The following NAAA variants were observed in gnomAD, a reference collection of about 807,000 sequenced individuals.
The protein encoded by NAAA is N-acylethanolamine-hydrolyzing acid amidase.
A neutral mutation model predicts 44.8 loss-of-function variants in NAAA; 39 were observed. That is an observed-to-expected ratio of 0.87 (90% confidence interval 0.67 to 1.14). NAAA has a LOEUF of 1.14. Ranked by LOEUF, NAAA falls within the 50% of genes most tolerant of loss-of-function variation. The pLI, the probability that NAAA is intolerant of heterozygous loss-of-function variation, is 0.00. For synonymous variants in NAAA, 178 were observed against 191.3 expected (o/e 0.93, Z 0.58); for missense variants, 460 against 467.8 (o/e 0.98, Z 0.15).
At chr4:75,916,421 C>T (rs1483289688) in intron 9 of NAAA, 1 of 152,168 alleles carries the variant, frequency 6.6e-6, no homozygotes, top group African/African-American at 2.4e-5. Context: ...CAGAGAAAAA[C>T]ACTACTTGGT....
At chr4:75,919,606 G>A in intron 8 of NAAA, 1 of 455,662 alleles carries the variant, frequency 2.2e-6, no homozygotes, top group South Asian at 3.4e-5. Context: ...AGCCTCTGGA[G>A]TAGCTTGGAC....
Position 75,913,863 on chromosome 4 carries a change from C to T in NAAA, c.*512G>A, listed in dbSNP as rs530197819. 2 of 985,254 alleles carry T rather than the reference C, an allele frequency of 2.0e-6. No homozygotes were observed. The highest frequency in any genetic ancestry group is 4.7e-5 in the South Asian group (1 of 21,270). The allele number at this position is 985,254 out of a possible 1,614,324, so 61.0% of individuals were successfully genotyped here. A position where few individuals can be genotyped will look rare whatever the true frequency, so the allele number is the denominator to read the frequency against. On this transcript the variant is annotated 3_prime_UTR_variant, in exon 11 of 11. Coordinates refer to ENST00000286733, the MANE Select transcript of NAAA (RefSeq NM_014435.4). ...AAACGAGACTCCCATTACATGGAAA[C>T]ACATGATCAAAGATCAGACTAACAC... is the stretch of plus-strand genomic sequence containing the variant.
At chr4:75,925,681 C>CA in intron 5 of NAAA, 54 bp downstream of exon 5, 1 of 1,521,986 alleles carries the variant, frequency 6.6e-7, no homozygotes, top group Non-Finnish European at 9.1e-7. Flanking sequence ...TGACACAGAA[C>CA]AGTTTAGAAG....
At chr4:75,923,702 A>G (rs112792446) in intron 5 of NAAA, among the ~76,000 whole-genome samples, 3,154 of 151,836 alleles carry the variant, frequency 0.021, 106 homozygotes, top group African/African-American at 0.072. Context: ...ACTACACCTG[A>G]CTAATTTTTG....
chr4:75,937,334 G>A (rs1028016081), intron 2 of NAAA, among the ~76,000 whole-genome samples: 1 of 152,184 alleles, frequency 6.6e-6, no homozygotes, highest in Non-Finnish European at 1.5e-5. Flanking sequence ...CAGGAAAATC[G>A]CTTGAACCAG....
chr4:75,938,745 A>G (rs958451940), intron 2 of NAAA, among the ~76,000 whole-genome samples: 1 of 152,066 alleles, frequency 6.6e-6, no homozygotes, highest in Non-Finnish European at 1.5e-5. Flanking sequence ...CCAAGTCAAA[A>G]CCTCTCTTTA....
intron 2 of NAAA, among the ~76,000 whole-genome samples, chr4:75,939,343 G>A (rs1224364032): frequency 6.6e-6 from 1 of 151,920 alleles, no homozygotes; most frequent in Non-Finnish European, 1.5e-5. Flanking sequence ...AGGCCACTGA[G>A]TTAACTAAAG....
downstream of NAAA, among the ~76,000 whole-genome samples, chr4:75,912,598 A>G (rs112062522): frequency 0.09 from 13,612 of 151,774 alleles, 1,117 homozygotes; most frequent in African/African-American, 0.21. Context: ...AACATGGCAA[A>G]AGCCCATTTC....
intron 9 of NAAA, 75 bp from the exon 10 acceptor site, chr4:75,915,060 G>GTTAGGGAAGCA: frequency 2.7e-6 from 3 of 1,098,484 alleles, no homozygotes; most frequent in Non-Finnish European, 4.2e-6. Context: ...ATGACCAAGT[G>GTTAGGGAAGCA]CTTCCCTAAC....
chr4:75,940,012 G>A lies in NAAA; in HGVS notation c.360C>T (p.Tyr120=). The change falls in exon 2 of 11, where the codon TAC becomes TAT. Residue 120 remains tyrosine (Y), a synonymous_variant. Transcript: ENST00000286733. The part of the protein sequence containing the change: ...LADCLLVNLA[Y]ESSVFCTSIV... ...CTTGGGGCACTCACACGGAGGACTC[G>A]TAGGCCAGGTTGACCAGAAGGCAGT... 6.2e-7 allele frequency: 1 copy of A among 1,613,868 alleles called. No individual in the cohort carries two copies.
At chr4:75,936,001 T>C in intron 3 of NAAA, 108 bp downstream of exon 3, 1 of 1,350,946 alleles carries the variant, frequency 7.4e-7, no homozygotes, top group Non-Finnish European at 1.0e-6. Context: ...TGTGATTTTT[T>C]TGTGTCTTAC....
At chr4:75,912,789 A>G (rs1725383816), downstream of NAAA, among the ~76,000 whole-genome samples, 1 of 152,128 alleles carries the variant, frequency 6.6e-6, no homozygotes, top group African/African-American at 2.4e-5. Flanking sequence ...AAAAAAGACT[A>G]ATGAGTAGAA....
At chr4:75,913,397 T>C (rs1426520124), downstream of NAAA, among the ~76,000 whole-genome samples, 3 of 152,002 alleles carry the variant, frequency 2.0e-5, no homozygotes, top group Non-Finnish European at 2.9e-5. Context: ...GGCACATCCT[T>C]AGCCTTGGCA....
intron 10 of NAAA, among the ~76,000 whole-genome samples, 167 bp from the exon 11 acceptor site, chr4:75,914,505 T>C (rs1513888): frequency 0.087 from 13,188 of 151,676 alleles, 1,004 homozygotes; most frequent in African/African-American, 0.2. Flanking sequence ...TCCTGAGTAG[T>C]CGGGATTTTG....
rs752034871 is a variant in NAAA, at chr4:75,936,141, T to A, written c.466A>T (p.Thr156Ser). Residue 156 changes from threonine (T) to serine (S), a missense_variant, in exon 3 of 11, where the codon ACA (threonine) becomes TCA (serine). By Grantham distance (58) the Thr-to-Ser change is moderately conservative (BLOSUM62 1). Coordinates refer to ENST00000286733, the MANE Select transcript of NAAA (RefSeq NM_014435.4). Reference sequence around the variant, plus strand: ...TTCTTTAAGAATTGCACATCCACTGTCAGCTTGCGTAAGACATTCCCAAAA... The same window carrying A: ...TTCTTTAAGAATTGCACATCCACTGACAGCTTGCGTAAGACATTCCCAAAA... ...YPFGNVLRKL[T>S]VDVQFLKNGQ... The A allele has an allele frequency of 6.2e-7, 1 of 1,614,094 alleles. No individual in the cohort carries two copies. Among genetic ancestry groups the A allele is most frequent in the Non-Finnish European group, 8.5e-7 (1 of 1,179,982 alleles).
chr4:75,916,986 G>A (rs1725684421), intron 9 of NAAA: 3 of 308,500 alleles, frequency 9.7e-6, no homozygotes, highest in Admixed American at 6.5e-5. Flanking sequence ...CACCATGTTG[G>A]CCAGGCTGGT....
rs368720033 is a variant in NAAA, at chr4:75,940,788, G to A, written c.162C>T (p.His54=). 2 of 1,599,088 alleles carry A rather than the reference G, an allele frequency of 1.3e-6. No homozygotes were observed. Among genetic ancestry groups the A allele is most frequent in the Non-Finnish European group, 8.5e-7 (1 of 1,178,872 alleles). Residue 54 remains histidine (H), a synonymous_variant, in exon 1 of 11, where the codon CAC becomes CAT. Transcript: ENST00000286733. ...CGGCGCGCACCAAGTCCAAGTCGTA[G>A]TGCCGCAGCACGGGCAGCCAGCGCA... The part of the protein sequence containing the change: ...PELRWLPVLR[H]YDLDLVRAAM...
chr4:75,939,731 A>G (rs933472520), intron 2 of NAAA: 3 of 422,136 alleles, frequency 7.1e-6, no homozygotes, highest in African/African-American at 6.0e-5. Context: ...CAGAATTTTA[A>G]AAGTACGCTA....
intron 5 of NAAA, among the ~76,000 whole-genome samples, chr4:75,924,883 G>T (rs1726509206): frequency 6.6e-6 from 1 of 152,106 alleles, no homozygotes; most frequent in Non-Finnish European, 1.5e-5. Context: ...CCCTTAAAGT[G>T]CCTGTCTGAG....
Sources: allele counts gnomAD v4.1 joint callset (sites outside exome capture counted in the v4.1 genomes callset), GRCh38; gene constraint gnomAD v4.1.1; transcripts MANE v1.5; gene names NCBI Gene and HGNC (gene_info 2026-07-23, HGNC 2026-07-21).